The following ASAP2 variants were observed in gnomAD, a reference collection of about 807,000 sequenced individuals.
The protein encoded by ASAP2 is arf-GAP with SH3 domain, ANK repeat and PH domain-containing protein 2.
Under a neutral mutation model 131.4 loss-of-function variants are expected in ASAP2, and 45 were observed. That is an observed-to-expected ratio of 0.34 (90% CI 0.27 to 0.44). The LOEUF is 0.44. Ranked by LOEUF, ASAP2 falls within the 20% of genes least tolerant of loss-of-function variation. ASAP2 has a pLI of 1.00. For synonymous variants in ASAP2, 510 were observed against 503.0 expected (o/e 1.01, Z -0.19); for missense variants, 1,011 against 1,297.0 (o/e 0.78, Z 3.39).
intron 16 of ASAP2, among the ~76,000 whole-genome samples, chr2:9,372,575 G>T (rs1674062255): frequency 6.6e-6 from 1 of 152,144 alleles, no homozygotes; most frequent in Non-Finnish European, 1.5e-5. Context: ...TTGAATAAAG[G>T]CCCAGAACAC....
At position 9,208,411 on chromosome 2, in the gene ASAP2, G is replaced by T. The variant is rs574009334; in HGVS notation, c.126+1181G>T. Among the ~76,000 whole-genome samples, 1,159 of 130,226 alleles carry T rather than the reference G, an allele frequency of 8.9e-3. 12 individuals are homozygous for T. The highest frequency in any genetic ancestry group is 0.026 in the African/African-American group (914 of 34,520). The allele number at this position is 130,226 out of a possible 152,430, so 85.4% of individuals were successfully genotyped here. ...GCAATGGCGTTATTTTTTTTTTCTG[G>T]TTTTTTTTTTTTTTTCCCATTTGAA... On this transcript the variant is annotated intron_variant, in intron 1 of 27. Transcript: ENST00000281419.
chr2:9,267,962 G>A (rs1413555093), intron 1 of ASAP2, among the ~76,000 whole-genome samples: 5 of 148,276 alleles, frequency 3.4e-5, no homozygotes, highest in South Asian at 4.3e-4. Context: ...CACTCCAAGC[G>A]CGCCCCGCAG....
At chr2:9,315,813 C>G (rs750682594) in intron 3 of ASAP2, among the ~76,000 whole-genome samples, 4 of 152,132 alleles carry the variant, frequency 2.6e-5, no homozygotes, top group African/African-American at 4.8e-5. Context: ...TAAGGCTGAT[C>G]TTAGCAAGAC....
chr2:9,246,851 GT>G (rs1238291516), intron 1 of ASAP2, among the ~76,000 whole-genome samples: 1 of 151,924 alleles, frequency 6.6e-6, no homozygotes, highest in African/African-American at 2.4e-5. Flanking sequence ...CAGGTTTTTT[GT>G]TTTGTTTGAG....
At chr2:9,322,366 G>C (rs1670204414) in intron 5 of ASAP2, among the ~76,000 whole-genome samples, 1 of 152,152 alleles carries the variant, frequency 6.6e-6, no homozygotes. Flanking sequence ...TGGGTCTTCT[G>C]GTGTCTACTT....
chr2:9,259,342 C>T (rs932555155), intron 1 of ASAP2, among the ~76,000 whole-genome samples: 4 of 152,214 alleles, frequency 2.6e-5, no homozygotes, highest in African/African-American at 9.6e-5. Context: ...TGCTGCACTT[C>T]CCCTCCCTTC....
At chr2:9,317,269 T>A (rs1669781021) in intron 3 of ASAP2, among the ~76,000 whole-genome samples, 1 of 142,654 alleles carries the variant, frequency 7.0e-6, no homozygotes, top group Non-Finnish European at 1.5e-5. Flanking sequence ...TCACACACAC[T>A]CATATCCACA....
At chr2:9,263,767 C>T (rs757730465) in intron 1 of ASAP2, among the ~76,000 whole-genome samples, 13 of 152,220 alleles carry the variant, frequency 8.5e-5, no homozygotes, top group Non-Finnish European at 1.6e-4. Flanking sequence ...CTTATCTGTT[C>T]ATACCGCATG....
In ASAP2 at chr2:9,401,735, A is replaced by T. The variant is rs1026024403; in HGVS notation, c.2946+339A>T. On this transcript the variant is annotated intron_variant, in intron 27 of 27. Transcript: ENST00000281419. ...TTAGTGGAATCGGGTGTCTGGAGAG[A>T]GCTGACCTAGAGCGCAGAGCCCCAG... is the stretch of plus-strand genomic sequence containing the variant. Among the ~76,000 whole-genome samples the T allele has an allele frequency of 2.6e-5, 4 of 152,182 alleles. No individual in the cohort carries two copies. The South Asian group carries it at 8.3e-4, about 31-fold the overall frequency.
At chr2:9,291,484 G>A (rs1325341823) in intron 2 of ASAP2, among the ~76,000 whole-genome samples, 1 of 152,134 alleles carries the variant, frequency 6.6e-6, no homozygotes, top group Non-Finnish European at 1.5e-5. Flanking sequence ...ATGTACAGCC[G>A]ACAGCCGGAG....
At chr2:9,211,166 A>G (rs1661520512) in intron 1 of ASAP2, among the ~76,000 whole-genome samples, 1 of 152,050 alleles carries the variant, frequency 6.6e-6, no homozygotes, top group African/African-American at 2.4e-5. Context: ...AAAAAAAAAA[A>G]AAAAAGTTTG....
intron 3 of ASAP2, among the ~76,000 whole-genome samples, chr2:9,314,173 G>A (rs1218891425): frequency 6.6e-6 from 1 of 152,000 alleles, no homozygotes; most frequent in African/African-American, 2.4e-5. Context: ...TAATAGAGAT[G>A]GGGTTTTGCC....
chr2:9,381,980 C>CTTTTTTTT (rs759499289), intron 20 of ASAP2, among the ~76,000 whole-genome samples: 1 of 115,958 alleles, frequency 8.6e-6, no homozygotes, highest in Non-Finnish European at 1.7e-5. Context: ...CTCATTTAAT[C>CTTTTTTTT]TTTTTTTTTT....
At chr2:9,383,108 C>A (rs541355001) in intron 20 of ASAP2, among the ~76,000 whole-genome samples, 71 of 150,244 alleles carry the variant, frequency 4.7e-4, no homozygotes, top group African/African-American at 1.7e-3. Flanking sequence ...CTCGGGGGGG[C>A]CACGGGACTG....
intron 1 of ASAP2, among the ~76,000 whole-genome samples, chr2:9,263,994 C>T (rs1287220669): frequency 6.6e-6 from 1 of 152,076 alleles, no homozygotes; most frequent in African/African-American, 2.4e-5. Flanking sequence ...GAGTTCAATA[C>T]CAGCCTGGCC....
At chr2:9,397,782 G>A (rs1190719641) in intron 24 of ASAP2, among the ~76,000 whole-genome samples, 18 of 94,418 alleles carry the variant, frequency 1.9e-4, no homozygotes, top group Admixed American at 1.5e-3. Context: ...TTTTTGAGAC[G>A]GAGTCTCGCT....
intron 12 of ASAP2, among the ~76,000 whole-genome samples, chr2:9,352,996 A>G (rs186447217): frequency 6.6e-6 from 1 of 152,104 alleles, no homozygotes; most frequent in Non-Finnish European, 1.5e-5. Context: ...GTGCCTTCCT[A>G]TGAGTATCTG....
At chr2:9,395,056 G>T (rs1045890879) in intron 24 of ASAP2, among the ~76,000 whole-genome samples, 1 of 152,182 alleles carries the variant, frequency 6.6e-6, no homozygotes, top group Non-Finnish European at 1.5e-5. Flanking sequence ...AGAGAGGCCT[G>T]GCCCTGGAAG....
intron 11 of ASAP2, among the ~76,000 whole-genome samples, chr2:9,348,110 T>TTTTG (rs529354755): frequency 0.078 from 3,260 of 41,660 alleles, 75 homozygotes; most frequent in African/African-American, 0.11. Flanking sequence ...GATGACACTT[T>TTTTG]TTTGTCTGTT....
Sources: allele counts gnomAD v4.1 joint callset (sites outside exome capture counted in the v4.1 genomes callset), GRCh38; gene constraint gnomAD v4.1.1; transcripts MANE v1.5; gene names NCBI Gene and HGNC (gene_info 2026-07-23, HGNC 2026-07-21).